The following EYS variants were observed in gnomAD, a reference collection of about 807,000 sequenced individuals.
EYS encodes the protein protein eyes shut homolog.
A neutral mutation model predicts 282.1 loss-of-function variants in EYS; 250 were observed. The observed-to-expected ratio is 0.89, with a 90% confidence interval of 0.80 to 0.98. EYS has a LOEUF of 0.98. EYS is among the 50% of genes least tolerant of loss of function. The pLI is 0.00. For synonymous variants in EYS, 1,355 were observed against 1,282.9 expected (o/e 1.06, Z -1.20); for missense variants, 4,016 against 3,709.0 (o/e 1.08, Z -2.15).
chr6:65,043,316 A>G (rs920416084), intron 13 of EYS, among the ~76,000 whole-genome samples: 1 of 151,584 alleles, frequency 6.6e-6, no homozygotes, highest in African/African-American at 2.4e-5. Context: ...TAACATAACT[A>G]AGTGTAATAA....
chr6:64,268,330 T>C (rs1019754160), intron 30 of EYS, among the ~76,000 whole-genome samples: 3 of 152,114 alleles, frequency 2.0e-5, no homozygotes, highest in African/African-American at 7.2e-5. Flanking sequence ...TATATATGAA[T>C]AGACAACATT....
intron 5 of EYS, among the ~76,000 whole-genome samples, chr6:65,407,553 C>A (rs1766803585): frequency 6.6e-6 from 1 of 152,084 alleles, no homozygotes. Context: ...TATGCCCGGC[C>A]TTGAAGTATT....
At chr6:64,112,445 T>C (rs1773235673) in intron 31 of EYS, among the ~76,000 whole-genome samples, 1 of 151,954 alleles carries the variant, frequency 6.6e-6, no homozygotes, top group African/African-American at 2.4e-5. Context: ...ATAAGGTATA[T>C]GTTTATGGAG....
chr6:64,942,834 A>AAAC (rs1264602062), intron 15 of EYS, among the ~76,000 whole-genome samples: 4 of 146,934 alleles, frequency 2.7e-5, no homozygotes, highest in African/African-American at 9.8e-5. Flanking sequence ...TTCCAAAAAA[A>AAAC]AAAAAAAAAC....
At chr6:64,104,493 C>T (rs1392836013) in intron 31 of EYS, among the ~76,000 whole-genome samples, 1 of 152,118 alleles carries the variant, frequency 6.6e-6, no homozygotes, top group Admixed American at 6.6e-5. Context: ...TTCTGTTTTA[C>T]TGCTTTAGTC....
chr6:64,475,841 C>A (rs1234900308), intron 26 of EYS, among the ~76,000 whole-genome samples: 2 of 152,136 alleles, frequency 1.3e-5, no homozygotes, highest in African/African-American at 2.4e-5. Flanking sequence ...GGCTGGAGTG[C>A]AATAGCATGT....
At chr6:64,331,255 T>C (rs896514834) in intron 29 of EYS, among the ~76,000 whole-genome samples, 1 of 152,034 alleles carries the variant, frequency 6.6e-6, no homozygotes. Context: ...GATTATTAAC[T>C]ACTGAAGGAA....
chr6:65,487,682 G>T (rs912481202), intron 5 of EYS, among the ~76,000 whole-genome samples: 1 of 152,092 alleles, frequency 6.6e-6, no homozygotes, highest in Non-Finnish European at 1.5e-5. Flanking sequence ...GATGATGCTG[G>T]CCTCATAAAA....
intron 12 of EYS, among the ~76,000 whole-genome samples, chr6:65,285,591 C>T (rs1214208317): frequency 2.0e-5 from 3 of 151,896 alleles, no homozygotes; most frequent in Non-Finnish European, 4.4e-5. Flanking sequence ...AAGGTACTTT[C>T]CTTCAGCAGC....
At chr6:64,791,175 A>G (rs1324546696) in intron 22 of EYS, among the ~76,000 whole-genome samples, 1 of 151,888 alleles carries the variant, frequency 6.6e-6, no homozygotes, top group African/African-American at 2.4e-5. Flanking sequence ...AATCCATTTT[A>G]GCCTCAGATC....
intron 2 of EYS, among the ~76,000 whole-genome samples, chr6:65,587,029 A>G (rs1015176483): frequency 6.6e-6 from 1 of 152,098 alleles, no homozygotes; most frequent in African/African-American, 2.4e-5. Context: ...CTGAGTGTTC[A>G]AATATAAAAT....
chr6:63,781,175 C>T (rs182698175), intron 39 of EYS, among the ~76,000 whole-genome samples: 6 of 152,086 alleles, frequency 3.9e-5, no homozygotes, highest in African/African-American at 7.2e-5. Flanking sequence ...TTTGAAGTCA[C>T]GTAGCGTGAT....
chr6:64,838,739 A>G (rs1765468911), intron 19 of EYS, among the ~76,000 whole-genome samples: 1 of 151,974 alleles, frequency 6.6e-6, no homozygotes, highest in Non-Finnish European at 1.5e-5. Flanking sequence ...CAGAATTGGT[A>G]GACATTATCT....
chr6:65,633,080 T>TATA (rs1345751383), intron 2 of EYS, among the ~76,000 whole-genome samples: 1 of 152,220 alleles, frequency 6.6e-6, no homozygotes, highest in Non-Finnish European at 1.5e-5. Flanking sequence ...AAAGATACTA[T>TATA]ATAAAGTATT....
At chr6:65,577,149 T>C (rs927800649) in intron 2 of EYS, among the ~76,000 whole-genome samples, 5 of 151,796 alleles carry the variant, frequency 3.3e-5, no homozygotes, top group South Asian at 4.1e-4. Flanking sequence ...GCCAGATATA[T>C]CACACTACCT....
At chr6:65,403,004 T>G (rs1245985558) in intron 6 of EYS, among the ~76,000 whole-genome samples, 1 of 152,038 alleles carries the variant, frequency 6.6e-6, no homozygotes, top group Non-Finnish European at 1.5e-5. Context: ...GGATTGTGGC[T>G]AATAGGCCCA....
chr6:63,931,690 T>G (rs1047937760), intron 35 of EYS, among the ~76,000 whole-genome samples: 37 of 152,196 alleles, frequency 2.4e-4, no homozygotes, highest in African/African-American at 8.2e-4. Flanking sequence ...GAGTGATATT[T>G]TGATACACAA....
chr6:65,003,070 A>G (rs1216555926), intron 13 of EYS, among the ~76,000 whole-genome samples: 1 of 147,934 alleles, frequency 6.8e-6, no homozygotes, highest in East Asian at 2.1e-4. Flanking sequence ...ACAGGATAAC[A>G]GCAATGTTTA....
At chr6:64,055,505 G>A (rs916704910) in intron 33 of EYS, among the ~76,000 whole-genome samples, 9 of 152,090 alleles carry the variant, frequency 5.9e-5, no homozygotes, top group Admixed American at 1.3e-4. Context: ...CCCACTCGCA[G>A]GATTCTGCCT....
Sources: gnomAD v4.1 joint callset for allele counts (sites outside exome capture counted in the v4.1 genomes callset) on GRCh38, gnomAD v4.1.1 for gene constraint, MANE v1.5 for transcripts, NCBI Gene and HGNC (gene_info 2026-07-23, HGNC 2026-07-21) for gene names.